DOCK5: variants seen among roughly 807,000 people sequenced by gnomAD.
DOCK5 encodes dedicator of cytokinesis 5.
Under a neutral mutation model 251.8 loss-of-function variants are expected in DOCK5, and 142 were observed. The observed-to-expected ratio is 0.56, with a 90% CI of 0.49 to 0.65. The LOEUF (loss-of-function observed/expected upper bound fraction) is 0.65. Among genes scored for constraint, DOCK5 ranks in the 30% least tolerant of loss-of-function variants. The probability of loss-of-function intolerance (pLI) is 0.00; values close to 1 mark genes in which losing one functional copy is unlikely to be tolerated. For missense variants in DOCK5, 2,111 were observed against 2,312.3 expected (o/e 0.91, Z 1.79); for synonymous variants, 842 against 835.5 (o/e 1.01, Z -0.13).
rs1376847561 is a variant in DOCK5, at chr8:25,411,415, A to T, written c.*117A>T. The T allele has an allele frequency of 7.7e-7, 1 of 1,296,988 alleles. No individual in the cohort carries two copies. The highest frequency in any genetic ancestry group is 9.9e-7 in the Non-Finnish European group (1 of 1,011,592). 80.3% of individuals were successfully genotyped at this position (1,296,988 alleles called of 1,614,324 possible). A position where few individuals can be genotyped will look rare whatever the true frequency, so the allele number is the denominator to read the frequency against. ...TGCTGACTGCATTTCCTGATCTGGGATGATGTTTACCAGCCCAAAACCAGT... is the reference window on the plus strand; with the variant it reads ...TGCTGACTGCATTTCCTGATCTGGGTTGATGTTTACCAGCCCAAAACCAGT... On this transcript the variant is annotated 3_prime_UTR_variant, in exon 52 of 52. Coordinates refer to ENST00000276440, the MANE Select transcript of DOCK5 (RefSeq NM_024940.8).
At chr8:25,350,739 C>T (rs897852963) in intron 26 of DOCK5, among the ~76,000 whole-genome samples, 1 of 152,150 alleles carries the variant, frequency 6.6e-6, no homozygotes, top group African/African-American at 2.4e-5. Flanking sequence ...TGTGTGCTCA[C>T]CTGGTGGAGA....
chr8:25,319,397 A>G (rs758709972), intron 14 of DOCK5, among the ~76,000 whole-genome samples, 181 bp from the exon 15 acceptor site: 1 of 152,172 alleles, frequency 6.6e-6, no homozygotes, highest in Non-Finnish European at 1.5e-5. Flanking sequence ...AGACCCTTGA[A>G]TAAAGTGGTG....
At chr8:25,384,255 T>A (rs112809749) in intron 40 of DOCK5, among the ~76,000 whole-genome samples, 5,424 of 152,146 alleles carry the variant, frequency 0.036, 318 homozygotes, top group African/African-American at 0.12. Flanking sequence ...AGAAAGTAGA[T>A]CAGTGGTTGC....
chr8:25,350,371 A>G (rs888032427), intron 26 of DOCK5, among the ~76,000 whole-genome samples: 1 of 152,202 alleles, frequency 6.6e-6, no homozygotes, highest in Non-Finnish European at 1.5e-5. Flanking sequence ...TCGGAGCCAA[A>G]TGAGGGTAAT....
chr8:25,340,842 G>C, intron 22 of DOCK5, 35 bp from the exon 23 acceptor site: 1 of 1,566,062 alleles, frequency 6.4e-7, no homozygotes, highest in Non-Finnish European at 8.8e-7. Context: ...TTTAACAATG[G>C]AAAGTCCAAC....
At position 25,308,858 on chromosome 8, in the gene DOCK5, G is replaced by T. The variant is rs1333659201; in HGVS notation, c.1125G>T (p.Glu375Asp). The T allele has an allele frequency of 6.2e-7, 1 of 1,613,880 alleles. No individual in the cohort carries two copies. Among genetic ancestry groups the T allele is most frequent in the East Asian group, 2.2e-5 (1 of 44,866 alleles). ...TGATAACATCACACGTGATTGGGGA[G>T]AATGAGCCACTCACTTCAGTCTTGA... Reference protein sequence around the residue: ...SPLITSHVIGENEPLTSVLNK... With the variant: ...SPLITSHVIGDNEPLTSVLNK... The change falls in exon 12 of 52, where the codon GAG (glutamate) becomes GAT (aspartate). Residue 375 changes from glutamate (E) to aspartate (D), a missense_variant. Physicochemically the swap from Glu to Asp is conservative, Grantham distance 45 (BLOSUM62 2). Around this residue, in one of 3 missense-constraint regions of DOCK5, gnomAD observed 1,717 missense variants for 1,892.4 expected, o/e 0.91. Coordinates refer to ENST00000276440, the MANE Select transcript of DOCK5 (RefSeq NM_024940.8).
At chr8:25,305,169 C>T (rs1034353536) in intron 11 of DOCK5, 6 of 152,150 alleles carry the variant, frequency 3.9e-5, no homozygotes, top group African/African-American at 1.4e-4. Context: ...TCACTTGCAG[C>T]TGCCACTGCA....
intron 40 of DOCK5, among the ~76,000 whole-genome samples, chr8:25,386,645 G>A (rs1179031496): frequency 6.6e-6 from 1 of 151,342 alleles, no homozygotes; most frequent in Non-Finnish European, 1.5e-5. Context: ...AAATGCATCA[G>A]GGTCTAGTGT....
chr8:25,396,768 G>A (rs1450304891), intron 45 of DOCK5, among the ~76,000 whole-genome samples: 1 of 9,620 alleles, frequency 1.0e-4, no homozygotes, highest in Non-Finnish European at 2.0e-3. Flanking sequence ...GTGTCCGTGT[G>A]TGTGTGTGTG....
chr8:25,286,468 C>A (rs1804336737), intron 5 of DOCK5, among the ~76,000 whole-genome samples: 1 of 152,130 alleles, frequency 6.6e-6, no homozygotes, highest in Admixed American at 6.5e-5. Context: ...AGCCACATAG[C>A]AAGTTAATGA....
chr8:25,221,117 TC>T (rs202016629), intron 1 of DOCK5, among the ~76,000 whole-genome samples: 1 of 151,974 alleles, frequency 6.6e-6, no homozygotes, highest in Non-Finnish European at 1.5e-5. Context: ...CATTTTTCAG[TC>T]CCCCCCATTG....
At chr8:25,206,924 A>G (rs1437662900) in intron 1 of DOCK5, among the ~76,000 whole-genome samples, 1 of 152,202 alleles carries the variant, frequency 6.6e-6, no homozygotes, top group Non-Finnish European at 1.5e-5. Context: ...AAGCTGATTG[A>G]TAGAGAGAGG....
At chr8:25,263,842 C>T (rs548900375) in intron 2 of DOCK5, among the ~76,000 whole-genome samples, 1 of 151,996 alleles carries the variant, frequency 6.6e-6, no homozygotes, top group Non-Finnish European at 1.5e-5. Context: ...CACCCCATGG[C>T]TCAGTACTCA....
At chr8:25,391,469 G>C (rs1223594775) in intron 42 of DOCK5, among the ~76,000 whole-genome samples, 2 of 151,748 alleles carry the variant, frequency 1.3e-5, no homozygotes, top group Non-Finnish European at 2.9e-5. Flanking sequence ...AACCCCATCT[G>C]TACTAAAAAT....
At chr8:25,232,908 G>A (rs1182275093) in intron 1 of DOCK5, among the ~76,000 whole-genome samples, 1 of 152,094 alleles carries the variant, frequency 6.6e-6, no homozygotes, top group African/African-American at 2.4e-5. Flanking sequence ...CCATGTGCGT[G>A]GGTTGGGAAC....
intron 50 of DOCK5, 134 bp from the exon 51 acceptor site, chr8:25,409,965 C>T (rs1408320896): frequency 1.1e-5 from 8 of 702,834 alleles, no homozygotes; most frequent in East Asian, 5.5e-5. Context: ...TCGTTCTATC[C>T]GCAGAAACCA....
intron 1 of DOCK5, among the ~76,000 whole-genome samples, chr8:25,233,457 A>C (rs995536363): frequency 2.6e-5 from 4 of 152,188 alleles, no homozygotes; most frequent in Admixed American, 2.0e-4. Flanking sequence ...AACCTTTTTG[A>C]TTGTGTACTT....
At chr8:25,389,024 C>T in intron 40 of DOCK5, 67 bp from the exon 41 acceptor site, 1 of 1,517,466 alleles carries the variant, frequency 6.6e-7, no homozygotes, top group Non-Finnish European at 9.0e-7. Context: ...TACCTCAGTA[C>T]CCGGAACTCC....
At chr8:25,379,454 G>A (rs1330191396) in intron 38 of DOCK5, among the ~76,000 whole-genome samples, 2 of 152,112 alleles carry the variant, frequency 1.3e-5, no homozygotes, top group African/African-American at 2.4e-5. Context: ...GTTTTTGCCC[G>A]ACCCCGCAGG....
Sources: gnomAD v4.1 joint callset for allele counts (sites outside exome capture counted in the v4.1 genomes callset) on GRCh38, gnomAD v4.1.1 for gene constraint, gnomAD v4.1.1 regional missense constraint, MANE v1.5 for transcripts, NCBI Gene and HGNC (gene_info 2026-07-23, HGNC 2026-07-21) for gene names.